LTBP1: variants seen among roughly 807,000 people sequenced by gnomAD.
The protein encoded by LTBP1 is latent-transforming growth factor beta-binding protein 1.
In LTBP1, 129 loss-of-function variants were observed where a neutral mutation model predicts 207.6. That is an observed-to-expected ratio of 0.62 (90% CI 0.54 to 0.72). The LOEUF (loss-of-function observed/expected upper bound fraction) is 0.72, where lower values mean the gene tolerates loss of function less well. Ranked by LOEUF, LTBP1 falls within the 30% of genes least tolerant of loss-of-function variation. The probability of loss-of-function intolerance (pLI) is 0.00; values close to 1 mark genes in which losing one functional copy is unlikely to be tolerated. For missense variants in LTBP1, 2,281 were observed against 2,217.2 expected (o/e 1.03, Z -0.58); for synonymous variants, 963 against 833.7 (o/e 1.16, Z -2.67).
chr2:33,177,199 C>T (rs1463326138), intron 5 of LTBP1, among the ~76,000 whole-genome samples: 1 of 152,186 alleles, frequency 6.6e-6, no homozygotes, highest in African/African-American at 2.4e-5. Flanking sequence ...GTAATCGACT[C>T]ATGTTATATT....
At chr2:32,980,739 G>A (rs114587946) in intron 2 of LTBP1, among the ~76,000 whole-genome samples, 2,372 of 152,160 alleles carry the variant, frequency 0.016, 18 homozygotes, top group Non-Finnish European at 0.024. Context: ...GAAGGACTCC[G>A]TTTTAGCACT....
intron 3 of LTBP1, among the ~76,000 whole-genome samples, chr2:33,104,499 A>G (rs2150179462): frequency 6.6e-6 from 1 of 152,100 alleles, no homozygotes; most frequent in South Asian, 2.1e-4. Context: ...CTAATTTCTT[A>G]TTCCTTTGGT....
chr2:33,158,408 C>A (rs1225862892), intron 5 of LTBP1, among the ~76,000 whole-genome samples: 1 of 152,160 alleles, frequency 6.6e-6, no homozygotes, highest in Non-Finnish European at 1.5e-5. Context: ...AGGCTACTTA[C>A]TGCCCACCGG....
intron 25 of LTBP1, among the ~76,000 whole-genome samples, 177 bp downstream of exon 25, chr2:33,343,140 G>A (rs1356350051): frequency 6.6e-6 from 1 of 152,102 alleles, no homozygotes; most frequent in Non-Finnish European, 1.5e-5. Flanking sequence ...CATGGCTCAC[G>A]GTTGTAACCC....
chr2:33,170,778 CA>C (rs1553437155), intron 5 of LTBP1, among the ~76,000 whole-genome samples: 1 of 152,038 alleles, frequency 6.6e-6, no homozygotes, highest in Non-Finnish European at 1.5e-5. Flanking sequence ...GGCAGACTGA[CA>C]CCTCACACGG....
intron 2 of LTBP1, among the ~76,000 whole-genome samples, chr2:32,999,421 TAA>T (rs1452959896): frequency 1.3e-5 from 1 of 79,324 alleles, no homozygotes. Flanking sequence ...GACCCCGGTC[TAA>T]GAGTTGGTGC....
intron 33 of LTBP1, 108 bp from the exon 34 acceptor site, chr2:33,398,256 A>T: frequency 2.1e-6 from 2 of 957,010 alleles, no homozygotes; most frequent in Middle Eastern, 2.3e-4. Flanking sequence ...AATGACGAGA[A>T]AGCTTCCTTG....
At chr2:33,287,695 T>G (rs150724740) in intron 19 of LTBP1, among the ~76,000 whole-genome samples, 2 of 152,362 alleles carry the variant, frequency 1.3e-5, no homozygotes, top group Non-Finnish European at 2.9e-5. Context: ...GTGCATAGCA[T>G]TCATTGGTTC....
chr2:33,264,073 G>A (rs2093102100), intron 15 of LTBP1, among the ~76,000 whole-genome samples: 1 of 151,882 alleles, frequency 6.6e-6, no homozygotes, highest in East Asian at 1.9e-4. Context: ...GGCTAACACG[G>A]TGAAACCCCA....
chr2:33,355,482 G>A (rs2149928509), intron 26 of LTBP1, among the ~76,000 whole-genome samples: 1 of 151,954 alleles, frequency 6.6e-6, no homozygotes, highest in Middle Eastern at 3.4e-3. Context: ...ACACTATACT[G>A]TTGTTTTATT....
chr2:33,386,292 T>A (rs1323862918), intron 31 of LTBP1, among the ~76,000 whole-genome samples: 1 of 152,176 alleles, frequency 6.6e-6, no homozygotes, highest in Non-Finnish European at 1.5e-5. Flanking sequence ...CTCTTCACCC[T>A]CACCTTCAGT....
At chr2:33,358,629 G>A (rs1314892792) in intron 26 of LTBP1, among the ~76,000 whole-genome samples, 1 of 151,978 alleles carries the variant, frequency 6.6e-6, no homozygotes, top group African/African-American at 2.4e-5. Context: ...GCTTCTTTTA[G>A]CACAAACCAT....
Position 33,360,790 on chromosome 2 carries a change from G to T in LTBP1, c.4183+11G>T. The T allele has an allele frequency of 6.2e-7, 1 of 1,612,910 alleles. No individual in the cohort carries two copies. On this transcript the variant is annotated intron_variant, in intron 27 of 33. Coordinates refer to ENST00000404816, the MANE Select transcript of LTBP1 (RefSeq NM_206943.4). ...CGGTCTTGGGAACTGGTAAGAATCC[G>T]CTTAGTGGTAGAGTCACACTTGTGT...
intron 9 of LTBP1, among the ~76,000 whole-genome samples, chr2:33,234,666 C>G (rs62148876): frequency 3.3e-5 from 5 of 152,100 alleles, no homozygotes; most frequent in African/African-American, 1.2e-4. Context: ...TTTATAGATT[C>G]AATGCTATCC....
chr2:33,107,237 T>C (rs1453229178), intron 3 of LTBP1, among the ~76,000 whole-genome samples: 1 of 152,234 alleles, frequency 6.6e-6, no homozygotes, highest in Non-Finnish European at 1.5e-5. Context: ...CAGACATATA[T>C]GTAGATATGT....
chr2:32,948,851 C>G, intron 1 of LTBP1, 24 bp from the exon 2 acceptor site: 1 of 1,611,132 alleles, frequency 6.2e-7, no homozygotes, highest in Non-Finnish European at 8.5e-7. Flanking sequence ...TGCTGCTGGA[C>G]TCAGCGATCT....
intron 4 of LTBP1, among the ~76,000 whole-genome samples, chr2:33,130,160 G>C (rs976858451): frequency 1.3e-5 from 2 of 152,134 alleles, no homozygotes; most frequent in Non-Finnish European, 2.9e-5. Context: ...GTAAGCGATG[G>C]ACTGCAAGTG....
intron 9 of LTBP1, among the ~76,000 whole-genome samples, chr2:33,236,968 G>T (rs890822765): frequency 2.6e-5 from 4 of 152,230 alleles, no homozygotes; most frequent in Non-Finnish European, 4.4e-5. Flanking sequence ...ACTTTTTTCA[G>T]TGAGTCCAGT....
chr2:32,998,470 C>A (rs867206919), intron 2 of LTBP1, among the ~76,000 whole-genome samples: 1 of 115,668 alleles, frequency 8.6e-6, no homozygotes, highest in Admixed American at 1.3e-4. Context: ...GAGCCAAGAT[C>A]GCCACTGCAC....
Sources: allele counts gnomAD v4.1 joint callset (sites outside exome capture counted in the v4.1 genomes callset), GRCh38; gene constraint gnomAD v4.1.1; transcripts MANE v1.5; gene names NCBI Gene and HGNC (gene_info 2026-07-23, HGNC 2026-07-21).